FAM171B: variants seen among roughly 807,000 people sequenced by gnomAD.
FAM171B encodes the protein family with sequence similarity 171 member B, also known as protein FAM171B.
A neutral mutation model predicts 75.6 loss-of-function variants in FAM171B; 19 were observed. The ratio of observed to expected loss-of-function variants is 0.25; its 90% CI spans 0.18 to 0.37. The LOEUF is 0.37. Ranked by LOEUF, FAM171B falls within the 10% of genes least tolerant of loss-of-function variation. The pLI, the probability that FAM171B is intolerant of heterozygous loss-of-function variation, is 1.00. For missense variants in FAM171B, 848 were observed against 982.4 expected (o/e 0.86, Z 1.83); for synonymous variants, 367 against 361.7 (o/e 1.01, Z -0.17).
rs2105795272 is a variant in FAM171B at position 186,765,064 on chromosome 2, G to C, written c.*2241G>C. 1 of 151,990 alleles carries C rather than the reference G, an allele frequency of 6.6e-6. No homozygotes were observed. The highest frequency in any genetic ancestry group is 2.1e-4 in the South Asian group (1 of 4,818). The allele number at this position is 151,990 out of a possible 1,614,324, so 9.4% of individuals were successfully genotyped here. On this transcript the variant is annotated 3_prime_UTR_variant, in exon 8 of 8. Transcript: ENST00000304698. ...CCTTATTATTTTTTACACTGCACAT[G>C]CTGTTCTCAATTGGTAATTATAGGC...
rs1261901943 is a variant in FAM171B, at chr2:186,764,800, A to C, written c.*1977A>C. ...TTTTTTGAATACAGTATATATTGAT[A>C]AATTGTTTATGTTGGAATGAAGTTA... is the stretch of plus-strand genomic sequence containing the variant. On this transcript the variant is annotated 3_prime_UTR_variant, in exon 8 of 8. Transcript: ENST00000304698. The C allele has an allele frequency of 6.6e-6, 1 of 151,920 alleles. No individual in the cohort carries two copies. Among genetic ancestry groups the C allele is most frequent in the South Asian group, 2.1e-4 (1 of 4,834 alleles). The allele number at this position is 151,920 out of a possible 1,614,324, so 9.4% of individuals were successfully genotyped here.
rs1276745195 is a variant in FAM171B, at chr2:186,715,058, G to GA, written c.238+20651dup. ...ATATGATATGCTGAACTGCAAAATG[G>GA]AAAATTATTCAATAGTCAAATAGAG... is the stretch of plus-strand genomic sequence containing the variant. On this transcript the variant is annotated intron_variant, in intron 1 of 7. Transcript: ENST00000304698. 3.9e-5 allele frequency among the ~76,000 whole-genome samples: 6 copies of GA among 152,246 alleles called. No homozygotes were observed. In the East Asian group the frequency reaches 9.6e-4, roughly 24 times the overall value.
In FAM171B at chr2:186,715,715, C is replaced by CA. The variant is rs138636757; in HGVS notation, c.238+21305dup. 2.1e-3 allele frequency among the ~76,000 whole-genome samples: 323 copies of CA among 152,244 alleles called. 1 individual carries two copies. The highest frequency in any genetic ancestry group is 7.5e-3 in the African/African-American group (311 of 41,546). On this transcript the variant is annotated intron_variant, in intron 1 of 7. Coordinates refer to ENST00000304698, the MANE Select transcript of FAM171B (RefSeq NM_177454.4). ...TTGATTACCGTATTTTGATTGCCTA[C>CA]ATAACAGAGGGTGGCTGGAAAGTAA...
In FAM171B at chr2:186,762,049, C is replaced by G. The variant is rs141510558; in HGVS notation, c.1707C>G (p.Val569=). ...CTTTGCCAAGAAAGGGACAGTTAGT[C>G]TATGGCCAATTGATGGAACCAGTAA... is the stretch of plus-strand genomic sequence containing the variant. ...SATLPRKGQL[V]YGQLMEPVNR... The change falls in exon 8 of 8, where the codon GTC becomes GTG. Residue 569 remains valine (V), a synonymous_variant. Coordinates refer to ENST00000304698, the MANE Select transcript of FAM171B (RefSeq NM_177454.4). The surrounding 1 kb of genome is among the most constrained non-coding windows in gnomAD (Gnocchi z 4.0). 3.3e-5 allele frequency: 54 copies of G among 1,613,582 alleles called. No homozygotes were observed. The Middle Eastern group carries it at 1.2e-3, about 34-fold the overall frequency.
chr2:186,710,532 T>C (rs1016844369), intron 1 of FAM171B, among the ~76,000 whole-genome samples: 4 of 152,202 alleles, frequency 2.6e-5, no homozygotes, highest in African/African-American at 7.2e-5. Flanking sequence ...ACAGTGTTTT[T>C]AGTATCTGTT....
chr2:186,739,645 TCATCTCCCAAGATAA>T (rs1355374411), intron 1 of FAM171B, among the ~76,000 whole-genome samples: 1 of 152,186 alleles, frequency 6.6e-6, no homozygotes, highest in African/African-American at 2.4e-5. Context: ...CATGGAAGTG[TCATCTCCCAAGATAA>T]CAATGCCTTT....
At chr2:186,744,437 C>A (rs1265556360) in intron 3 of FAM171B, among the ~76,000 whole-genome samples, 1 of 152,118 alleles carries the variant, frequency 6.6e-6, no homozygotes, top group Non-Finnish European at 1.5e-5. Flanking sequence ...TAAACTAGGG[C>A]TTGATGAATC....
chr2:186,736,378 G>A (rs377055746), intron 1 of FAM171B, among the ~76,000 whole-genome samples: 2 of 152,092 alleles, frequency 1.3e-5, no homozygotes, highest in African/African-American at 2.4e-5. Flanking sequence ...ATAAAATAAA[G>A]AAAACAACAT....
At chr2:186,710,581 G>T (rs1201130667) in intron 1 of FAM171B, among the ~76,000 whole-genome samples, 1 of 151,810 alleles carries the variant, frequency 6.6e-6, no homozygotes, top group Non-Finnish European at 1.5e-5. Context: ...CCCTGTCTAG[G>T]CCCCAACACC....
chr2:186,764,591 A>C lies in FAM171B; in HGVS notation c.*1768A>C, dbSNP rs1350651626. On this transcript the variant is annotated 3_prime_UTR_variant, in exon 8 of 8. Coordinates refer to ENST00000304698, the MANE Select transcript of FAM171B (RefSeq NM_177454.4). ...GACTCAAAATGATTTGGAAAAGGTTAAAGTTAGTGCTCTGCTGAAGTGCCT... is the reference window on the plus strand; with the variant it reads ...GACTCAAAATGATTTGGAAAAGGTTCAAGTTAGTGCTCTGCTGAAGTGCCT... 6.7e-6 allele frequency: 1 copy of C among 149,524 alleles called. No homozygotes were observed. Among genetic ancestry groups the C allele is most frequent in the African/African-American group, 2.4e-5 (1 of 40,834 alleles). The allele number at this position is 149,524 out of a possible 1,614,324, so 9.3% of individuals were successfully genotyped here.
At chr2:186,700,654 G>A (rs932485697) in intron 1 of FAM171B, among the ~76,000 whole-genome samples, 9 of 152,098 alleles carry the variant, frequency 5.9e-5, no homozygotes, top group African/African-American at 1.9e-4. Flanking sequence ...GGGTATTTGG[G>A]TTGTTTCCAG....
intron 1 of FAM171B, among the ~76,000 whole-genome samples, chr2:186,713,925 T>C (rs1369210124): frequency 1.3e-5 from 2 of 152,252 alleles, no homozygotes; most frequent in Non-Finnish European, 2.9e-5. Flanking sequence ...TGAGCTAGAA[T>C]ATTCCCAGCA....
intron 1 of FAM171B, among the ~76,000 whole-genome samples, chr2:186,719,028 C>T (rs978269037): frequency 6.6e-6 from 1 of 152,164 alleles, no homozygotes; most frequent in Non-Finnish European, 1.5e-5. Context: ...CTTTAAGGCA[C>T]TCAATGTTCT....
At chr2:186,703,485 G>C (rs1436421061) in intron 1 of FAM171B, among the ~76,000 whole-genome samples, 1 of 152,100 alleles carries the variant, frequency 6.6e-6, no homozygotes, top group Non-Finnish European at 1.5e-5. Context: ...AATAAAACCA[G>C]TGTTCATGCT....
chr2:186,716,148 G>T (rs1057293911), intron 1 of FAM171B, among the ~76,000 whole-genome samples: 1 of 152,120 alleles, frequency 6.6e-6, no homozygotes, highest in South Asian at 2.1e-4. Flanking sequence ...CAGTAGCTGG[G>T]ACTATAGGTG....
intron 1 of FAM171B, among the ~76,000 whole-genome samples, chr2:186,722,194 G>A (rs887495534): frequency 6.6e-6 from 1 of 152,212 alleles, no homozygotes; most frequent in Admixed American, 6.5e-5. Context: ...ACCCCTGTGA[G>A]TTTGTTATAT....
At chr2:186,733,454 C>A (rs1019823944) in intron 1 of FAM171B, among the ~76,000 whole-genome samples, 12 of 152,130 alleles carry the variant, frequency 7.9e-5, no homozygotes, top group Admixed American at 2.0e-4. Flanking sequence ...GTCACAGGAG[C>A]CTTGGGGTGT....
At chr2:186,710,597 T>C (rs1042667108) in intron 1 of FAM171B, among the ~76,000 whole-genome samples, 9 of 152,168 alleles carry the variant, frequency 5.9e-5, no homozygotes, top group Admixed American at 1.3e-4. Flanking sequence ...ACACCGTCTG[T>C]TTGGATGATT....
At chr2:186,737,944 C>T (rs2089961723) in intron 1 of FAM171B, among the ~76,000 whole-genome samples, 1 of 152,214 alleles carries the variant, frequency 6.6e-6, no homozygotes. Flanking sequence ...TCGGCTCGCG[C>T]CTGCTCAGAT....
Sources: allele counts gnomAD v4.1 joint callset (sites outside exome capture counted in the v4.1 genomes callset), GRCh38; gene constraint gnomAD v4.1.1; non-coding constraint Gnocchi (gnomAD v3.1); transcripts MANE v1.5; gene names NCBI Gene and HGNC (gene_info 2026-07-23, HGNC 2026-07-21).